OPA1: variants seen among roughly 807,000 people sequenced by gnomAD.
The protein encoded by OPA1 is dynamin-like GTPase OPA1, mitochondrial.
In OPA1, 59 loss-of-function variants were observed where a neutral mutation model predicts 152.9. That is an observed-to-expected ratio of 0.39 (90% CI 0.31 to 0.48). The LOEUF is 0.48. Ranked by LOEUF, OPA1 falls within the 20% of genes least tolerant of loss-of-function variation. The pLI is 0.96. For synonymous variants in OPA1, 400 were observed against 389.9 expected (o/e 1.03, Z -0.31); for missense variants, 1,008 against 1,216.8 (o/e 0.83, Z 2.55).
chr3:193,614,064 G>T, intron 1 of OPA1: 1 of 493,328 alleles, frequency 2.0e-6, no homozygotes. Context: ...AGAAGAAGAG[G>T]GTGGAGCTCT....
At chr3:193,616,155 G>A (rs1014364077) in intron 3 of OPA1, among the ~76,000 whole-genome samples, 8 of 152,124 alleles carry the variant, frequency 5.3e-5, no homozygotes, top group African/African-American at 1.9e-4. Context: ...GGGACTACAT[G>A]TGTGTGCCAC....
intron 29 of OPA1, among the ~76,000 whole-genome samples, chr3:193,686,531 C>T (rs1560077156): frequency 6.6e-6 from 1 of 152,170 alleles, no homozygotes; most frequent in Non-Finnish European, 1.5e-5. Flanking sequence ...AAAAGATGCA[C>T]CTTTTTTCTT....
chr3:193,609,337 C>G (rs1020761780), intron 1 of OPA1, among the ~76,000 whole-genome samples: 1 of 152,164 alleles, frequency 6.6e-6, no homozygotes, highest in Admixed American at 6.5e-5. Flanking sequence ...GTTGAAAATT[C>G]TTTTCTTTAA....
intron 1 of OPA1, among the ~76,000 whole-genome samples, chr3:193,605,381 A>G (rs78860775): frequency 0.011 from 1,616 of 152,320 alleles, 34 homozygotes; most frequent in African/African-American, 0.038. Context: ...GGGCTGGTGC[A>G]TGGAATTATG....
intron 29 of OPA1, among the ~76,000 whole-genome samples, chr3:193,688,587 C>T (rs1721264971): frequency 6.8e-6 from 1 of 147,620 alleles, no homozygotes; most frequent in South Asian, 2.2e-4. Flanking sequence ...CCCTGAAATG[C>T]GTCTTATTTT....
At chr3:193,693,828 C>T (rs1721987690) in intron 30 of OPA1, among the ~76,000 whole-genome samples, 2 of 152,058 alleles carry the variant, frequency 1.3e-5, no homozygotes, top group Admixed American at 1.3e-4. Context: ...TGGTGGTTAC[C>T]GTGAATACTT....
In OPA1 at chr3:193,657,119, A is replaced by C. The variant is rs1023896326; in HGVS notation, c.2218A>C (p.Met740Leu). 1.2e-6 allele frequency: 2 copies of C among 1,613,900 alleles called. No homozygotes were observed. Among genetic ancestry groups the C allele is most frequent in the Non-Finnish European group, 1.7e-6 (2 of 1,179,906 alleles). Residue 740 changes from methionine (M) to leucine (L), a missense_variant, in exon 23 of 31, where the codon ATG (methionine) becomes CTG (leucine). Physicochemically the swap from Met to Leu is conservative, Grantham distance 15. This residue lies in a region of OPA1 where 229 missense variants were observed against 269.0 expected (regional missense o/e 0.85). Transcript: ENST00000361510. ...CCTACAAGAAGAATTTTCCCGCTTT[A>C]TGACAGAACCGAAAGGGAAAGAGCA... ...ETLQEEFSRF[M>L]TEPKGKEHDD...
intron 29 of OPA1, among the ~76,000 whole-genome samples, chr3:193,675,271 A>C (rs1031063923): frequency 2.0e-5 from 3 of 149,942 alleles, no homozygotes; most frequent in African/African-American, 4.9e-5. Flanking sequence ...AGAGAGGGTG[A>C]TACCAAGTTG....
At chr3:193,640,977 T>C (rs1474839531) in intron 11 of OPA1, among the ~76,000 whole-genome samples, 2 of 152,192 alleles carry the variant, frequency 1.3e-5, no homozygotes, top group African/African-American at 2.4e-5. Context: ...TTACTAGTTC[T>C]GTGTGTGGTA....
chr3:193,651,266 C>G (rs1263787239), intron 21 of OPA1, among the ~76,000 whole-genome samples: 2 of 152,116 alleles, frequency 1.3e-5, no homozygotes, highest in Admixed American at 6.5e-5. Context: ...GCGGAGAAAA[C>G]TGTAAGCAAG....
intron 29 of OPA1, among the ~76,000 whole-genome samples, chr3:193,685,868 A>C (rs1720869872): frequency 1.3e-5 from 2 of 152,224 alleles, no homozygotes; most frequent in Non-Finnish European, 2.9e-5. Context: ...TCCTGGACAG[A>C]TTCCTTCATT....
chr3:193,629,036 C>G (rs946184957), intron 7 of OPA1, among the ~76,000 whole-genome samples: 1 of 152,090 alleles, frequency 6.6e-6, no homozygotes, highest in Admixed American at 6.6e-5. Context: ...GCCTCAGTCT[C>G]CCGAGTAGCT....
chr3:193,596,306 T>TTTTCTTTTCTTTTCTTTTCCTTTCC (rs1335150236), intron 1 of OPA1, among the ~76,000 whole-genome samples: 23 of 105,412 alleles, frequency 2.2e-4, no homozygotes, highest in African/African-American at 5.9e-4. Flanking sequence ...TTTTCTTTTC[T>TTTTCTTTTCTTTTCTTTTCCTTTCC]TTTCCTTTCC....
At chr3:193,648,609 C>T in intron 20 of OPA1, 186 bp from the exon 21 acceptor site, 1 of 542,818 alleles carries the variant, frequency 1.8e-6, no homozygotes. Flanking sequence ...ATGTCAGTTT[C>T]TTTGTCCTTA....
intron 11 of OPA1, among the ~76,000 whole-genome samples, chr3:193,640,246 A>G (rs1391943314): frequency 6.6e-6 from 1 of 152,224 alleles, no homozygotes; most frequent in African/African-American, 2.4e-5. Flanking sequence ...AGCAAGCAGT[A>G]TATTCTGGGC....
At chr3:193,693,415 G>A (rs1001631605) in intron 30 of OPA1, among the ~76,000 whole-genome samples, 5 of 152,190 alleles carry the variant, frequency 3.3e-5, no homozygotes, top group South Asian at 2.1e-4. Flanking sequence ...CAAGGCGGGC[G>A]GATCACTTGA....
chr3:193,684,720 G>A (rs1367695365), intron 29 of OPA1, among the ~76,000 whole-genome samples: 2 of 151,918 alleles, frequency 1.3e-5, no homozygotes, highest in East Asian at 3.9e-4. Flanking sequence ...CAAAGTGCTG[G>A]GATTACAGGC....
intron 29 of OPA1, among the ~76,000 whole-genome samples, chr3:193,676,294 A>G (rs571728551): frequency 7.2e-5 from 11 of 152,278 alleles, no homozygotes; most frequent in African/African-American, 2.6e-4. Context: ...TGGTAGCAAT[A>G]CTTGAACTCT....
intron 9 of OPA1, 65 bp from the exon 10 acceptor site, chr3:193,637,130 A>G: frequency 2.5e-6 from 2 of 816,058 alleles, no homozygotes; most frequent in South Asian, 1.7e-5. Flanking sequence ...TTCTCTTGAC[A>G]CATCTGTTAT....
Sources: gnomAD v4.1 joint callset for allele counts (sites outside exome capture counted in the v4.1 genomes callset) on GRCh38, gnomAD v4.1.1 for gene constraint, gnomAD v4.1.1 regional missense constraint, MANE v1.5 for transcripts, NCBI Gene and HGNC (gene_info 2026-07-23, HGNC 2026-07-21) for gene names.